The following MTAP variants were observed in gnomAD, a reference collection of about 807,000 sequenced individuals.
MTAP encodes methylthioadenosine phosphorylase, also known as S-methyl-5'-thioadenosine phosphorylase.
In MTAP, 33 loss-of-function variants were observed where a neutral mutation model predicts 33.6. The ratio of observed to expected loss-of-function variants is 0.98; its 90% CI spans 0.74 to 1.31. The LOEUF (loss-of-function observed/expected upper bound fraction) is 1.31. Among genes scored for constraint, MTAP ranks in the 40% most tolerant of loss-of-function variants. The pLI is 0.00. For synonymous variants in MTAP, 148 were observed against 125.7 expected, an observed-to-expected ratio of 1.18 and a Z score of -1.19; for missense variants, 367 against 360.0, an observed-to-expected ratio of 1.02 and a Z score of -0.16.
rs114245016 is a variant in MTAP at position 21,876,998 on chromosome 9, A to C, written c.147+22128A>C. On this transcript the variant is annotated intron_variant, in intron 1 of 1. Transcript: ENST00000577563. Reference sequence around the variant, plus strand: ...GATTCTTCCTGTTCGTGAGCATGGAATACTTTTCCATTTGTTTCTGTCATC... The same window carrying C: ...GATTCTTCCTGTTCGTGAGCATGGACTACTTTTCCATTTGTTTCTGTCATC... Among the ~76,000 whole-genome samples, 362 of 152,262 alleles carry C rather than the reference A, an allele frequency of 2.4e-3. 2 individuals are homozygous for C. The highest frequency in any genetic ancestry group is 8.3e-3 in the African/African-American group (343 of 41,552).
chr9:21,863,156 AG>A lies in MTAP; in HGVS notation c.*1143del, dbSNP rs1400781981. 4.8e-5 allele frequency: 47 copies of A among 969,512 alleles called. No individual in the cohort carries two copies. The highest frequency in any genetic ancestry group is 5.6e-5 in the Non-Finnish European group (46 of 815,554). 60.1% of individuals were successfully genotyped at this position (969,512 alleles called of 1,614,324 possible). On this transcript the variant is annotated 3_prime_UTR_variant, in exon 8 of 8. Transcript: ENST00000644715. ...TTAACTGAAAGTTTAACTATTTAAAAGACTAAATGCACATTTTATGGTATCT... is the reference window on the plus strand; with the variant it reads ...TTAACTGAAAGTTTAACTATTTAAAAACTAAATGCACATTTTATGGTATCT...
intron 1 of MTAP, chr9:21,892,122 T>C (rs1401762014): frequency 3.9e-5 from 6 of 152,136 alleles, no homozygotes; most frequent in African/African-American, 1.4e-4. Flanking sequence ...CTAAAGGAAG[T>C]GCTAAATGCA....
At position 21,866,211 on chromosome 9, in the gene MTAP, T is replaced by C. The variant is rs1341572397; in HGVS notation, c.*4197T>C. On this transcript the variant is annotated 3_prime_UTR_variant, in exon 8 of 8. Coordinates refer to ENST00000644715, the MANE Select transcript of MTAP (RefSeq NM_002451.4). The stretch of plus-strand genomic sequence containing the variant: ...TCGTGAACTATCTGTACAAATATTT[T>C]TGTTTATTAAAAAATTAGATTGTTT... The C allele has an allele frequency of 6.6e-6, 1 of 152,232 alleles. No individual in the cohort carries two copies. The highest frequency in any genetic ancestry group is 6.5e-5 in the Admixed American group (1 of 15,288). The allele number at this position is 152,232 out of a possible 1,614,324, so 9.4% of individuals were successfully genotyped here.
chr9:21,856,597 TCTC>T (rs1372288663), intron 6 of MTAP, among the ~76,000 whole-genome samples: 3 of 152,132 alleles, frequency 2.0e-5, no homozygotes, highest in African/African-American at 7.2e-5. Flanking sequence ...ATAACATATG[TCTC>T]CTCCTTTGTA....
Position 21,862,193 on chromosome 9 carries a change from C to A in MTAP, c.*179C>A. 1 of 1,353,700 alleles carries A rather than the reference C, an allele frequency of 7.4e-7. No homozygotes were observed. The highest frequency in any genetic ancestry group is 9.5e-7 in the Non-Finnish European group (1 of 1,050,436). 83.9% of individuals were successfully genotyped at this position (1,353,700 alleles called of 1,614,324 possible). A position where few individuals can be genotyped will look rare whatever the true frequency, so the allele number is the denominator to read the frequency against. On this transcript the variant is annotated 3_prime_UTR_variant, in exon 8 of 8. Coordinates refer to ENST00000644715, the MANE Select transcript of MTAP (RefSeq NM_002451.4). ...ATTAGAGACTCCTGAATGATTTAGA[C>A]AACTTCAAAATACAGAAGAAAAGCA...
In MTAP at chr9:21,915,025, T is replaced by C. The variant is rs1366813573; in HGVS notation, c.148-15983T>C. Among the ~76,000 whole-genome samples, 464 of 101,294 alleles carry C rather than the reference T, an allele frequency of 4.6e-3. 4 individuals carry two copies. The highest frequency in any genetic ancestry group is 0.014 in the East Asian group (32 of 2,340). 66.5% of individuals were successfully genotyped at this position (101,294 alleles called of 152,430 possible). ...TTTCCTTCCTTCCTTCCTTCCTTCC[T>C]TCCTTCCTTCCTTCCTTCCTTCCTT... On this transcript the variant is annotated intron_variant, in intron 1 of 1. Transcript: ENST00000577563.
Position 21,912,784 on chromosome 9 carries a change from G to T in MTAP, c.148-18224G>T, listed in dbSNP as rs534035413. 5.5e-4 allele frequency among the ~76,000 whole-genome samples: 84 copies of T among 152,316 alleles called. No individual in the cohort carries two copies. The Middle Eastern group carries it at 0.01, about 19-fold the overall frequency. On this transcript the variant is annotated intron_variant, in intron 1 of 1. Transcript: ENST00000577563. The stretch of plus-strand genomic sequence containing the variant: ...CATAGTGTTGGAAGTTCTGGCCAGG[G>T]CAATCAGGCAGGAGAAAGATATAAA...
intron 5 of MTAP, among the ~76,000 whole-genome samples, chr9:21,841,707 G>A (rs562560691): frequency 6.6e-6 from 1 of 152,340 alleles, no homozygotes; most frequent in African/African-American, 2.4e-5. Flanking sequence ...CTCTCAGGAA[G>A]CCCCATCCCT....
intron 4 of MTAP, among the ~76,000 whole-genome samples, chr9:21,835,435 A>G (rs903422583): frequency 3.9e-5 from 6 of 152,192 alleles, no homozygotes; most frequent in African/African-American, 1.2e-4. Flanking sequence ...CATGTCACTC[A>G]GAAAATTCAG....
intron 4 of MTAP, among the ~76,000 whole-genome samples, chr9:21,827,441 C>T (rs1290023414): frequency 6.6e-6 from 1 of 152,174 alleles, no homozygotes; most frequent in East Asian, 1.9e-4. Flanking sequence ...TTGGTTGTTT[C>T]CTGATGGAAT....
chr9:21,854,465 C>T (rs1210890733), intron 5 of MTAP, among the ~76,000 whole-genome samples, 166 bp from the exon 6 acceptor site: 2 of 152,200 alleles, frequency 1.3e-5, no homozygotes, highest in African/African-American at 2.4e-5. Context: ...AGGAAACACC[C>T]TTCTGTGGTC....
intron 1 of MTAP, among the ~76,000 whole-genome samples, chr9:21,902,213 T>C (rs1818404105): frequency 6.6e-6 from 1 of 152,180 alleles, no homozygotes; most frequent in Admixed American, 6.5e-5. Context: ...GGTCTGGAGA[T>C]AAAACAGCTT....
At chr9:21,860,435 G>A (rs1331273359) in intron 7 of MTAP, 1 of 152,166 alleles carries the variant, frequency 6.6e-6, no homozygotes, top group Non-Finnish European at 1.5e-5. Flanking sequence ...AGGACTGACG[G>A]TCAAGAATGT....
intron 1 of MTAP, among the ~76,000 whole-genome samples, chr9:21,915,084 C>T (rs201045702): frequency 5.5e-5 from 4 of 72,434 alleles, no homozygotes; most frequent in East Asian, 7.0e-4. Flanking sequence ...TTCTTTCTTT[C>T]CTTTCTTTCT....
chr9:21,920,731 T>C (rs755505040), intron 1 of MTAP, among the ~76,000 whole-genome samples: 8 of 152,248 alleles, frequency 5.3e-5, no homozygotes, highest in Non-Finnish European at 7.3e-5. Context: ...AGAAATTGTG[T>C]ATTAATCTGG....
chr9:21,851,805 G>A lies in MTAP; in HGVS notation c.451-2826G>A, dbSNP rs1825518503. 2.0e-5 allele frequency among the ~76,000 whole-genome samples: 3 copies of A among 152,134 alleles called. No homozygotes were observed. The South Asian group carries it at 6.2e-4, about 32-fold the overall frequency. ...TGCCAGCATGGCTAGGATATAAGCA[G>A]GCAGAAAATTGTTAAAAGAGAGACT... On this transcript the variant is annotated intron_variant, in intron 5 of 7. Transcript: ENST00000644715.
chr9:21,888,363 T>C (rs1268602364), intron 1 of MTAP, among the ~76,000 whole-genome samples: 6 of 152,202 alleles, frequency 3.9e-5, no homozygotes, highest in Non-Finnish European at 8.8e-5. Context: ...TTTAAGTCTA[T>C]TGTTTCTTTG....
At chr9:21,822,373 T>C (rs1350387912) in intron 4 of MTAP, among the ~76,000 whole-genome samples, 4 of 152,242 alleles carry the variant, frequency 2.6e-5, no homozygotes, top group African/African-American at 9.6e-5. Context: ...ATTTCTGCCT[T>C]CGTTTTGTTA....
At chr9:21,835,568 C>T (rs1217314839) in intron 4 of MTAP, among the ~76,000 whole-genome samples, 1 of 152,056 alleles carries the variant, frequency 6.6e-6, no homozygotes, top group Non-Finnish European at 1.5e-5. Context: ...CAACAGTCCC[C>T]ACTTTGTGGG....
Sources: allele counts gnomAD v4.1 joint callset (sites outside exome capture counted in the v4.1 genomes callset), GRCh38; gene constraint gnomAD v4.1.1; transcripts MANE v1.5; gene names NCBI Gene and HGNC (gene_info 2026-07-23, HGNC 2026-07-21).